Variants in PCSK5 observed in about 807,000 individuals in gnomAD.
The protein encoded by PCSK5 is proprotein convertase subtilisin/kexin type 5.
PCSK5 carries 129 observed loss-of-function variants against 233.2 expected under a neutral mutation model. The observed-to-expected ratio is 0.55, with a 90% CI of 0.48 to 0.64. The LOEUF is 0.64. Among genes scored for constraint, PCSK5 ranks in the 30% least tolerant of loss-of-function variants. The pLI is 0.00. For synonymous variants in PCSK5, 825 were observed against 879.2 expected (o/e 0.94, Z 1.09); for missense variants, 2,076 against 2,430.1 (o/e 0.85, Z 3.06).
intron 18 of PCSK5, 125 bp from the exon 19 acceptor site, chr9:76,188,968 GA>G: frequency 1.2e-6 from 1 of 851,174 alleles, no homozygotes; most frequent in Non-Finnish European, 1.8e-6. Context: ...GGGAAATCAA[GA>G]AAAAGCATGA....
At chr9:76,183,308 ATC>A (rs1220604554) in intron 16 of PCSK5, among the ~76,000 whole-genome samples, 1 of 152,126 alleles carries the variant, frequency 6.6e-6, no homozygotes, top group Non-Finnish European at 1.5e-5. Flanking sequence ...TGGTTTGTAT[ATC>A]TCTCTCTTTC....
chr9:76,132,875 G>A (rs932615590), intron 9 of PCSK5, among the ~76,000 whole-genome samples: 4 of 151,958 alleles, frequency 2.6e-5, no homozygotes, highest in Admixed American at 2.6e-4. Flanking sequence ...AGGCCGCCCT[G>A]ACCACCCTAA....
intron 18 of PCSK5, 36 bp from the exon 19 acceptor site, chr9:76,189,058 T>G (rs529416440): frequency 1.2e-6 from 2 of 1,605,468 alleles, no homozygotes; most frequent in African/African-American, 1.3e-5. Context: ...CTCTGAGGTT[T>G]TATTTCTCGT....
At chr9:76,066,979 A>G (rs554628883) in intron 5 of PCSK5, among the ~76,000 whole-genome samples, 29 of 152,344 alleles carry the variant, frequency 1.9e-4, no homozygotes, top group African/African-American at 6.7e-4. Flanking sequence ...ATTAGCAATG[A>G]CAGATAAACC....
intron 20 of PCSK5, among the ~76,000 whole-genome samples, chr9:76,199,485 A>G (rs1824829737): frequency 6.6e-6 from 1 of 152,188 alleles, no homozygotes; most frequent in Admixed American, 6.5e-5. Flanking sequence ...AGACCTGCAG[A>G]GATTGGAGAA....
At chr9:76,124,187 C>T (rs10115609) in intron 9 of PCSK5, among the ~76,000 whole-genome samples, 47,890 of 151,916 alleles carry the variant, frequency 0.32, 7,779 homozygotes, top group Non-Finnish European at 0.34. Flanking sequence ...ACTAGTTACA[C>T]GGCTTTGAGA....
chr9:75,926,567 T>G (rs1012692180), intron 1 of PCSK5, among the ~76,000 whole-genome samples: 1 of 152,156 alleles, frequency 6.6e-6, no homozygotes, highest in African/African-American at 2.4e-5. Flanking sequence ...CAAAACATTC[T>G]CAGCATGGTT....
At chr9:76,214,294 TCA>T (rs34030142) in intron 20 of PCSK5, among the ~76,000 whole-genome samples, 12 of 150,654 alleles carry the variant, frequency 8.0e-5, no homozygotes, top group Admixed American at 2.6e-4. Context: ...CCACATTCAC[TCA>T]CACACACACA....
At chr9:76,084,615 G>A (rs1414776758) in intron 7 of PCSK5, among the ~76,000 whole-genome samples, 3 of 152,214 alleles carry the variant, frequency 2.0e-5, no homozygotes, top group African/African-American at 7.2e-5. Flanking sequence ...GTATGGTATA[G>A]TATGGGTGTC....
chr9:76,350,065 T>A (rs2131517947), intron 35 of PCSK5, among the ~76,000 whole-genome samples: 1 of 149,342 alleles, frequency 6.7e-6, no homozygotes, highest in South Asian at 2.1e-4. Flanking sequence ...ATCCCTTGAG[T>A]CCAGGAATTT....
At chr9:76,133,524 G>C (rs1453451297) in intron 9 of PCSK5, among the ~76,000 whole-genome samples, 2 of 151,972 alleles carry the variant, frequency 1.3e-5, no homozygotes, top group East Asian at 3.9e-4. Context: ...TCTTACTGCT[G>C]TCTGTGCCTT....
At chr9:75,898,328 G>A (rs1428388273) in intron 1 of PCSK5, among the ~76,000 whole-genome samples, 1 of 152,200 alleles carries the variant, frequency 6.6e-6, no homozygotes, top group Non-Finnish European at 1.5e-5. Context: ...AAAAGCCAGA[G>A]GTAGTGCTAA....
At chr9:75,890,225 G>A (rs777393259), upstream of PCSK5, among the ~76,000 whole-genome samples, 4 of 152,226 alleles carry the variant, frequency 2.6e-5, no homozygotes, top group Non-Finnish European at 5.9e-5. Flanking sequence ...CTGCTGAAAA[G>A]CATGAAGAAT....
intron 9 of PCSK5, among the ~76,000 whole-genome samples, chr9:76,115,091 G>A (rs960841168): frequency 6.6e-6 from 1 of 152,108 alleles, no homozygotes; most frequent in South Asian, 2.1e-4. Flanking sequence ...GCTAAACTCA[G>A]GTAAATTGTG....
intron 9 of PCSK5, among the ~76,000 whole-genome samples, chr9:76,130,826 G>A (rs900225530): frequency 6.6e-6 from 1 of 152,128 alleles, no homozygotes; most frequent in Admixed American, 6.6e-5. Context: ...TGAGGGGTGT[G>A]TAGCATAACT....
Position 76,240,677 on chromosome 9 carries a change from C to T in PCSK5, c.3135C>T (p.Cys1045=). 6.3e-7 allele frequency: 1 copy of T among 1,578,722 alleles called. No homozygotes were observed. Residue 1045 remains cysteine, a synonymous_variant, in exon 24 of 38, where the codon TGC becomes TGT. Transcript: ENST00000674117. The part of the protein sequence containing the change: ...CVPCEEGCLG[C]SLDDPGTCTS... Reference sequence around the variant, plus strand: ...CTTGTGAAGAAGGATGTCTGGGATGCAGCTTGGGTATGTCCTCTTCCTTTG... The same window carrying T: ...CTTGTGAAGAAGGATGTCTGGGATGTAGCTTGGGTATGTCCTCTTCCTTTG...
At chr9:76,340,229 C>T (rs1829790646) in intron 35 of PCSK5, among the ~76,000 whole-genome samples, 1 of 152,190 alleles carries the variant, frequency 6.6e-6, no homozygotes, top group South Asian at 2.1e-4. Context: ...CATTGTGTAT[C>T]CCTTGTTTCT....
intron 1 of PCSK5, among the ~76,000 whole-genome samples, chr9:75,891,936 G>A (rs1167848369): frequency 1.3e-5 from 2 of 152,128 alleles, no homozygotes; most frequent in Non-Finnish European, 2.9e-5. Flanking sequence ...GAAAGGAGGG[G>A]GAGGGAAGAG....
chr9:76,060,648 G>A (rs1413760888), intron 5 of PCSK5, among the ~76,000 whole-genome samples: 1 of 152,192 alleles, frequency 6.6e-6, no homozygotes. Flanking sequence ...GGGTATCACT[G>A]TAATCATAAG....
Sources: gnomAD v4.1 joint callset for allele counts (sites outside exome capture counted in the v4.1 genomes callset) on GRCh38, gnomAD v4.1.1 for gene constraint, MANE v1.5 for transcripts, NCBI Gene and HGNC (gene_info 2026-07-23, HGNC 2026-07-21) for gene names.